CERS4: variants seen among roughly 807,000 people sequenced by gnomAD.
CERS4 encodes LAG1 homolog, ceramide synthase 4.
Under a neutral mutation model 51.8 loss-of-function variants are expected in CERS4, and 65 were observed. That is an observed-to-expected ratio of 1.26 (90% CI 1.03 to 1.54). CERS4 has a LOEUF of 1.54. Ranked by LOEUF, CERS4 falls within the 40% of genes most tolerant of loss-of-function variation. The probability of loss-of-function intolerance (pLI) is 0.00; values close to 1 mark genes in which losing one functional copy is unlikely to be tolerated. For missense variants in CERS4, 563 were observed against 500.4 expected, an observed-to-expected ratio of 1.13 and a Z score of -1.19; for synonymous variants, 228 against 208.4, an observed-to-expected ratio of 1.09 and a Z score of -0.81.
At chr19:8,219,492 C>T (rs1388098760) in intron 2 of CERS4, among the ~76,000 whole-genome samples, 1 of 152,094 alleles carries the variant, frequency 6.6e-6, no homozygotes, top group African/African-American at 2.4e-5. Context: ...TAGTAAGACC[C>T]TATCTCTATA....
At chr19:8,227,715 C>T (rs976967079) in intron 2 of CERS4, among the ~76,000 whole-genome samples, 4 of 152,080 alleles carry the variant, frequency 2.6e-5, no homozygotes, top group Admixed American at 6.6e-5. Context: ...TACATGAAAT[C>T]AGCCAGTCAC....
chr19:8,259,106 C>A (rs887799384), intron 10 of CERS4, among the ~76,000 whole-genome samples: 3 of 152,156 alleles, frequency 2.0e-5, no homozygotes, highest in Non-Finnish European at 4.4e-5. Flanking sequence ...TGCACTCCAG[C>A]CTGGGCGACA....
chr19:8,259,026 CG>C (rs1969541216), intron 10 of CERS4, among the ~76,000 whole-genome samples: 1 of 151,886 alleles, frequency 6.6e-6, no homozygotes, highest in Non-Finnish European at 1.5e-5. Context: ...CCCAGCTACT[CG>C]GGAGGCTAAG....
chr19:8,246,454 G>T (rs143932731), intron 2 of CERS4, among the ~76,000 whole-genome samples: 413 of 151,892 alleles, frequency 2.7e-3, no homozygotes, highest in African/African-American at 9.2e-3. Context: ...GGCTCTGCGG[G>T]GGCTGACATG....
intron 2 of CERS4, among the ~76,000 whole-genome samples, chr19:8,211,630 G>A (rs957669015): frequency 6.6e-5 from 10 of 152,090 alleles, no homozygotes; most frequent in African/African-American, 2.4e-4. Flanking sequence ...GGTGGCTCAC[G>A]CCTGTAATCC....
At chr19:8,255,108 T>C (rs1418235662) in intron 4 of CERS4, among the ~76,000 whole-genome samples, 1 of 151,954 alleles carries the variant, frequency 6.6e-6, no homozygotes. Context: ...CTGGACAGGG[T>C]CTGTGCTGTG....
chr19:8,261,277 C>T (rs1377185525), intron 10 of CERS4: 1 of 183,774 alleles, frequency 5.4e-6, no homozygotes, highest in Non-Finnish European at 1.1e-5. Flanking sequence ...CCTGTGTCTT[C>T]CTGGGAGATG....
At chr19:8,231,638 T>C (rs991173174) in intron 2 of CERS4, among the ~76,000 whole-genome samples, 2 of 151,086 alleles carry the variant, frequency 1.3e-5, no homozygotes, top group African/African-American at 4.9e-5. Context: ...AAGCTCCACC[T>C]CCTGGGTTCA....
intron 3 of CERS4, 61 bp downstream of exon 3, chr19:8,251,310 C>T: frequency 6.8e-7 from 1 of 1,480,402 alleles, no homozygotes; most frequent in Admixed American, 2.4e-5. Context: ...GTGCTCGTGC[C>T]CTGTGTGCAA....
intron 2 of CERS4, among the ~76,000 whole-genome samples, chr19:8,234,542 A>ATTTTTTTTT (rs35971828): frequency 1.8e-5 from 1 of 54,158 alleles, no homozygotes; most frequent in East Asian, 6.6e-4. Flanking sequence ...CCACCATTCT[A>ATTTTTTTTT]TTTTTTTTTT....
intron 2 of CERS4, among the ~76,000 whole-genome samples, chr19:8,240,843 C>G (rs1034095758): frequency 3.9e-5 from 6 of 152,168 alleles, no homozygotes; most frequent in African/African-American, 1.4e-4. Context: ...TCTACTCATG[C>G]CCCCTAACCC....
chr19:8,216,844 C>T lies in CERS4; in HGVS notation c.-2+5982C>T, dbSNP rs949273645. On this transcript the variant is annotated intron_variant, in intron 2 of 11. Transcript: ENST00000251363. ...GGCGGATGGCGTTGGGGGTAGCGTA[C>T]CTCGGGTGGCAGGTAACAGGCAGGT... is the stretch of plus-strand genomic sequence containing the variant. Among the ~76,000 whole-genome samples, 5 of 152,156 alleles carry T rather than the reference C, an allele frequency of 3.3e-5. No homozygotes were observed. In the East Asian group the frequency reaches 9.7e-4, roughly 29 times the overall value.
Position 8,262,095 on chromosome 19 carries a change from A to G in CERS4, c.1171A>G (p.Thr391Ala). Residue 391 changes from threonine (T) to alanine (A), a missense_variant, in exon 12 of 12, where the codon ACA becomes GCA. Coordinates refer to ENST00000251363, the MANE Select transcript of CERS4 (RefSeq NM_024552.3). Reference protein sequence around the residue: ...RVAGRLTNRHTTAT With the variant: ...RVAGRLTNRHATAT ...GGCCGGGCGTCTGACCAACAGGCAC[A>G]CAACAGCCACATAGCCGGGCGGGGC... The G allele has an allele frequency of 2.7e-6, 4 of 1,498,364 alleles. No individual in the cohort carries two copies. The highest frequency in any genetic ancestry group is 2.7e-6 in the Non-Finnish European group (3 of 1,128,172). 92.8% of individuals were successfully genotyped at this position (1,498,364 alleles called of 1,614,324 possible).
intron 2 of CERS4, among the ~76,000 whole-genome samples, chr19:8,221,885 T>TG (rs1568501250): frequency 1.6e-4 from 15 of 94,562 alleles, no homozygotes; most frequent in Non-Finnish European, 2.2e-4. Flanking sequence ...TTTTTTTTTT[T>TG]TTTTTTTTTT....
chr19:8,252,966 G>C (rs1334144133), intron 3 of CERS4, among the ~76,000 whole-genome samples: 1 of 152,182 alleles, frequency 6.6e-6, no homozygotes, highest in Non-Finnish European at 1.5e-5. Context: ...TAGGACAATA[G>C]GAACTGAGTT....
intron 2 of CERS4, among the ~76,000 whole-genome samples, chr19:8,248,735 AGGT>A (rs923553688): frequency 1.5e-4 from 23 of 148,506 alleles, no homozygotes; most frequent in African/African-American, 5.7e-4. Flanking sequence ...GATGGACGAT[AGGT>A]GGATGGACAG....
intron 2 of CERS4, among the ~76,000 whole-genome samples, chr19:8,242,752 G>C (rs1568521094): frequency 1.3e-5 from 2 of 152,284 alleles, no homozygotes; most frequent in South Asian, 4.1e-4. Context: ...GCCAGTATTT[G>C]TAAAGGCTAG....
chr19:8,218,695 C>T (rs898584759), intron 2 of CERS4, among the ~76,000 whole-genome samples: 8 of 152,162 alleles, frequency 5.3e-5, no homozygotes, highest in Non-Finnish European at 7.4e-5. Context: ...GTGTGTATCC[C>T]AGAGGAGGGG....
intron 10 of CERS4, among the ~76,000 whole-genome samples, chr19:8,260,390 A>G (rs1255834084): frequency 1.4e-5 from 2 of 141,682 alleles, no homozygotes; most frequent in Admixed American, 1.4e-4. Flanking sequence ...TTTTTTTAGT[A>G]GAGATGGGGG....
Sources: gnomAD v4.1 joint callset for allele counts (sites outside exome capture counted in the v4.1 genomes callset) on GRCh38, gnomAD v4.1.1 for gene constraint, MANE v1.5 for transcripts, NCBI Gene and HGNC (gene_info 2026-07-23, HGNC 2026-07-21) for gene names.